The following KSR2 variants were observed in gnomAD, a reference collection of about 807,000 sequenced individuals.
KSR2 encodes kinase suppressor of ras 2.
KSR2 carries 25 observed loss-of-function variants against 107.8 expected under a neutral mutation model. The observed-to-expected ratio is 0.23, with a 90% CI of 0.17 to 0.32. KSR2 has a LOEUF of 0.32. KSR2 is among the 10% of genes least tolerant of loss of function. KSR2 has a pLI of 1.00. For missense variants in KSR2, 887 were observed against 1,268.9 expected (o/e 0.70, Z 4.57); for synonymous variants, 480 against 507.0 (o/e 0.95, Z 0.71).
At chr12:117,576,467 C>T (rs746521591) in intron 7 of KSR2, among the ~76,000 whole-genome samples, 2 of 152,042 alleles carry the variant, frequency 1.3e-5, no homozygotes, top group Admixed American at 6.6e-5. Context: ...AGTACTAATG[C>T]TTGGTAATTA....
intron 5 of KSR2, among the ~76,000 whole-genome samples, chr12:117,638,391 C>A (rs1453145510): frequency 6.6e-6 from 1 of 152,104 alleles, no homozygotes; most frequent in Non-Finnish European, 1.5e-5. Flanking sequence ...GCAATGACAG[C>A]TACACCCTCA....
chr12:117,558,395 A>G, intron 8 of KSR2, 111 bp downstream of exon 8: 1 of 730,172 alleles, frequency 1.4e-6, no homozygotes. Context: ...TGCTGGAAGT[A>G]TGTGGGGATC....
At chr12:117,935,241 C>T (rs1040210271) in intron 1 of KSR2, among the ~76,000 whole-genome samples, 1 of 152,006 alleles carries the variant, frequency 6.6e-6, no homozygotes. Flanking sequence ...CTCGAGCAAT[C>T]CTCCCTCCTC....
Position 117,761,301 on chromosome 12 carries a change from G to A in KSR2, c.696C>T (p.Tyr232=), listed in dbSNP as rs2136869837. The A allele has an allele frequency of 6.6e-7, 1 of 1,523,380 alleles. No homozygotes were observed. Among genetic ancestry groups the A allele is most frequent in the Non-Finnish European group, 8.8e-7 (1 of 1,139,386 alleles). The allele number at this position is 1,523,380 out of a possible 1,614,324, so 94.4% of individuals were successfully genotyped here. A position where few individuals can be genotyped will look rare whatever the true frequency, so the allele number is the denominator to read the frequency against. The change falls in exon 4 of 20, where the codon TAC becomes TAT. Residue 232 remains tyrosine, a synonymous_variant. Coordinates refer to ENST00000339824, the MANE Select transcript of KSR2 (RefSeq NM_173598.6). ...THVDRLTVDA[Y]PGLCPPPPLE... is the part of the protein sequence containing the mutation. ...GTGGCGGGGGCGGGCACAAGCCCGG[G>A]TAGGCGTCCACGGTAAGCCTGTCCA...
intron 3 of KSR2, among the ~76,000 whole-genome samples, chr12:117,820,207 G>A (rs1419358348): frequency 6.6e-6 from 1 of 152,164 alleles, no homozygotes; most frequent in East Asian, 1.9e-4. Flanking sequence ...GAAATCAGAG[G>A]AGCGTTAAAG....
intron 4 of KSR2, among the ~76,000 whole-genome samples, chr12:117,720,737 CA>C (rs1887175024): frequency 6.6e-6 from 1 of 152,124 alleles, no homozygotes; most frequent in African/African-American, 2.4e-5. Flanking sequence ...CTATTCTTGA[CA>C]AGGGGGTCTG....
intron 5 of KSR2, among the ~76,000 whole-genome samples, chr12:117,612,972 G>A (rs890878246): frequency 2.6e-5 from 4 of 152,156 alleles, no homozygotes; most frequent in African/African-American, 9.7e-5. Flanking sequence ...TAAGTTTCCT[G>A]AGACTTCCCC....
intron 1 of KSR2, among the ~76,000 whole-genome samples, chr12:117,923,879 CT>C (rs547713240): frequency 3.5e-3 from 471 of 135,296 alleles, no homozygotes; most frequent in Middle Eastern, 0.011. Context: ...TATATATTTG[CT>C]TTTTTTTTTT....
At chr12:117,770,089 T>C (rs1889382392) in intron 3 of KSR2, among the ~76,000 whole-genome samples, 1 of 151,902 alleles carries the variant, frequency 6.6e-6, no homozygotes, top group African/African-American at 2.4e-5. Context: ...TCCTTATTCC[T>C]GGTCTTGGCA....
chr12:117,928,726 T>G (rs1239600242), intron 1 of KSR2, among the ~76,000 whole-genome samples: 1 of 152,212 alleles, frequency 6.6e-6, no homozygotes. Flanking sequence ...TACATTTAAT[T>G]TTTTTGAAGA....
At chr12:117,548,707 T>C (rs1484679192) in intron 9 of KSR2, among the ~76,000 whole-genome samples, 1 of 152,154 alleles carries the variant, frequency 6.6e-6, no homozygotes, top group African/African-American at 2.4e-5. Flanking sequence ...GTACAATTAC[T>C]CCATCTTCCT....
rs74757019 is a variant in KSR2 at position 117,597,459 on chromosome 12, G to C, written c.1172-15100C>G. 8.8e-4 allele frequency among the ~76,000 whole-genome samples: 134 copies of C among 152,286 alleles called. 1 individual carries two copies. The East Asian group carries it at 0.024, about 27-fold the overall frequency. On this transcript the variant is annotated intron_variant, in intron 5 of 19. Coordinates refer to ENST00000339824, the MANE Select transcript of KSR2 (RefSeq NM_173598.6). ...TAATTATAAGGATCCTTATGAAAGA[G>C]AGGCAAGAGGAGCAAAGGAAGAAGA...
chr12:117,876,095 T>C (rs1893839462), intron 1 of KSR2, among the ~76,000 whole-genome samples: 1 of 152,258 alleles, frequency 6.6e-6, no homozygotes, highest in Middle Eastern at 3.4e-3. Context: ...GTTGTGTTAT[T>C]AAGGTTCTCG....
chr12:117,843,363 G>T (rs1378134894), intron 3 of KSR2, among the ~76,000 whole-genome samples: 1 of 152,130 alleles, frequency 6.6e-6, no homozygotes, highest in African/African-American at 2.4e-5. Context: ...ATGGCTACAA[G>T]GGGCCTCAGG....
intron 4 of KSR2, among the ~76,000 whole-genome samples, chr12:117,757,507 A>G (rs926071653): frequency 7.9e-5 from 12 of 152,368 alleles, no homozygotes; most frequent in African/African-American, 2.9e-4. Flanking sequence ...AAGAAGTTCT[A>G]CTAGGCTATC....
intron 1 of KSR2, among the ~76,000 whole-genome samples, chr12:117,903,876 G>C (rs1279933666): frequency 6.6e-6 from 1 of 152,092 alleles, no homozygotes. Context: ...GAGCATGCCT[G>C]TAGTCCCAGC....
At chr12:117,665,244 C>T (rs374953111) in intron 5 of KSR2, among the ~76,000 whole-genome samples, 125 of 152,216 alleles carry the variant, frequency 8.2e-4, no homozygotes, top group African/African-American at 2.6e-3. Context: ...CAAGCAGAAA[C>T]GCTTTTCCTC....
chr12:117,831,296 A>G (rs1891954621), intron 3 of KSR2, among the ~76,000 whole-genome samples: 3 of 152,148 alleles, frequency 2.0e-5, no homozygotes, highest in Non-Finnish European at 4.4e-5. Flanking sequence ...CTTTCCCTCG[A>G]GGAGAAGTTT....
chr12:117,770,976 CAAAAA>C (rs61641342), intron 3 of KSR2, among the ~76,000 whole-genome samples: 3 of 66,228 alleles, frequency 4.5e-5, no homozygotes, highest in African/African-American at 1.1e-4. Context: ...GACTCCGTCT[CAAAAA>C]AAAAAAAAAA....
Sources: allele counts gnomAD v4.1 joint callset (sites outside exome capture counted in the v4.1 genomes callset), GRCh38; gene constraint gnomAD v4.1.1; transcripts MANE v1.5; gene names NCBI Gene and HGNC (gene_info 2026-07-23, HGNC 2026-07-21).